SAMD4A: variants seen among roughly 807,000 people sequenced by gnomAD.
The protein encoded by SAMD4A is sterile alpha motif domain containing 4A, also known as protein Smaug homolog 1.
Under a neutral mutation model 81.3 loss-of-function variants are expected in SAMD4A, and 33 were observed. The observed-to-expected ratio is 0.41, with a 90% confidence interval of 0.31 to 0.54. The LOEUF (loss-of-function observed/expected upper bound fraction) is 0.54, where lower values mean the gene tolerates loss of function less well. Ranked by LOEUF, SAMD4A falls within the 20% of genes least tolerant of loss-of-function variation. SAMD4A has a pLI of 0.37. For missense variants in SAMD4A, 854 were observed against 951.1 expected (o/e 0.90, Z 1.34); for synonymous variants, 389 against 382.1 (o/e 1.02, Z -0.21).
intron 2 of SAMD4A, among the ~76,000 whole-genome samples, chr14:54,698,934 T>G (rs2036641611): frequency 6.6e-6 from 1 of 152,174 alleles, no homozygotes; most frequent in Non-Finnish European, 1.5e-5. Context: ...GCTGATTTTT[T>G]TTTTTTTTAG....
At chr14:54,737,542 C>T (rs200688122) in intron 4 of SAMD4A, among the ~76,000 whole-genome samples, 189 of 85,406 alleles carry the variant, frequency 2.2e-3, no homozygotes, top group African/African-American at 8.4e-3. Flanking sequence ...CTCTCTCTCT[C>T]TTTTTTTTTT....
intron 6 of SAMD4A, among the ~76,000 whole-genome samples, chr14:54,756,213 A>C (rs2038234673): frequency 6.6e-6 from 1 of 152,188 alleles, no homozygotes; most frequent in South Asian, 2.1e-4. Flanking sequence ...CCTTACAGCA[A>C]ACTTCCTAAG....
intron 4 of SAMD4A, among the ~76,000 whole-genome samples, chr14:54,748,381 T>C (rs893010950): frequency 2.0e-5 from 3 of 152,230 alleles, no homozygotes; most frequent in African/African-American, 7.2e-5. Context: ...AGCTCTAACA[T>C]TCGAAGCCAG....
chr14:54,658,926 G>A (rs968425547), intron 2 of SAMD4A, among the ~76,000 whole-genome samples: 2 of 152,216 alleles, frequency 1.3e-5, no homozygotes, highest in African/African-American at 2.4e-5. Flanking sequence ...AAGAATCAGG[G>A]CCAGGCTTGT....
intron 4 of SAMD4A, among the ~76,000 whole-genome samples, chr14:54,740,055 A>G (rs34932536): frequency 0.27 from 40,950 of 152,106 alleles, 5,976 homozygotes; most frequent in South Asian, 0.39. Flanking sequence ...CTGTAATCTC[A>G]GCTACTCTGG....
chr14:54,712,378 T>C (rs753440418), intron 3 of SAMD4A, among the ~76,000 whole-genome samples: 12 of 152,226 alleles, frequency 7.9e-5, no homozygotes, highest in Non-Finnish European at 1.3e-4. Flanking sequence ...AGGTAACTAA[T>C]GAAAGAGTTG....
intron 2 of SAMD4A, among the ~76,000 whole-genome samples, chr14:54,581,969 TTTG>T (rs1190088912): frequency 4.6e-5 from 7 of 152,384 alleles, no homozygotes; most frequent in African/African-American, 1.7e-4. Flanking sequence ...GTCATTGTTC[TTTG>T]TTGTTATTAT....
At position 54,567,604 on chromosome 14, in the gene SAMD4A, G is replaced by A; in HGVS notation, c.-313G>A. 4 of 358,772 alleles carry A rather than the reference G, an allele frequency of 1.1e-5. 1 individual carries two copies. The South Asian group carries it at 1.3e-4, about 12-fold the overall frequency. 22.2% of individuals were successfully genotyped at this position (358,772 alleles called of 1,614,324 possible). On this transcript the variant is annotated 5_prime_UTR_variant, in exon 2 of 13. Transcript: ENST00000554335. ...CCATCCCAAAGCTGCAAGAAGGGGG[G>A]AGAAAGCATTCTTCATTCAGTTGTG...
At chr14:54,736,352 C>G (rs954709506) in intron 3 of SAMD4A, among the ~76,000 whole-genome samples, 1 of 152,190 alleles carries the variant, frequency 6.6e-6, no homozygotes. Context: ...TTGGCATTAA[C>G]CTGTGAGGCT....
intron 2 of SAMD4A, among the ~76,000 whole-genome samples, chr14:54,579,018 C>T (rs1028070868): frequency 6.6e-6 from 1 of 152,174 alleles, no homozygotes; most frequent in Non-Finnish European, 1.5e-5. Flanking sequence ...GCTGTCTAAA[C>T]CTCCATATCT....
intron 2 of SAMD4A, among the ~76,000 whole-genome samples, chr14:54,616,135 A>C (rs2034485370): frequency 6.6e-6 from 1 of 152,240 alleles, no homozygotes; most frequent in South Asian, 2.1e-4. Context: ...CATCTCAAGA[A>C]TGGAAACATA....
chr14:54,602,103 C>T (rs959538940), intron 2 of SAMD4A, among the ~76,000 whole-genome samples: 18 of 152,104 alleles, frequency 1.2e-4, no homozygotes, highest in Non-Finnish European at 2.2e-4. Flanking sequence ...GACCCAGAGA[C>T]AGGCTTCTGG....
chr14:54,580,661 C>T (rs1415677077), intron 2 of SAMD4A, among the ~76,000 whole-genome samples: 1 of 152,120 alleles, frequency 6.6e-6, no homozygotes, highest in East Asian at 1.9e-4. Flanking sequence ...TTGTCTACGA[C>T]AGCTCTTCCT....
intron 2 of SAMD4A, among the ~76,000 whole-genome samples, chr14:54,667,218 A>G (rs766086020): frequency 6.6e-6 from 1 of 152,212 alleles, no homozygotes; most frequent in Non-Finnish European, 1.5e-5. Flanking sequence ...ACAGGTTTTC[A>G]AGTGCAAGAC....
chr14:54,570,256 G>A (rs908056314), intron 2 of SAMD4A, among the ~76,000 whole-genome samples: 14 of 152,158 alleles, frequency 9.2e-5, no homozygotes, highest in Non-Finnish European at 1.8e-4. Flanking sequence ...GGATCATAAA[G>A]AGCATCAGGA....
At chr14:54,638,488 TAAAC>T (rs746814709) in intron 2 of SAMD4A, among the ~76,000 whole-genome samples, 3 of 152,204 alleles carry the variant, frequency 2.0e-5, no homozygotes, top group South Asian at 2.1e-4. Context: ...ATTGTCATCT[TAAAC>T]AAAATAAACA....
At position 54,629,133 on chromosome 14, in the gene SAMD4A, G is replaced by A. The variant is rs145022295; in HGVS notation, c.196+61021G>A. Among the ~76,000 whole-genome samples the A allele has an allele frequency of 3.3e-3, 504 of 152,266 alleles. 5 individuals are homozygous for A. The highest frequency in any genetic ancestry group is 0.011 in the African/African-American group (477 of 41,554). On this transcript the variant is annotated intron_variant, in intron 2 of 12. Transcript: ENST00000554335. Reference sequence around the variant, plus strand: ...AAGCCGACAATGCCATATGAAGAGAGACACACAGGAAGAGCACCAGGTATT... The same window carrying A: ...AAGCCGACAATGCCATATGAAGAGAAACACACAGGAAGAGCACCAGGTATT...
chr14:54,628,069 G>A (rs881970), intron 2 of SAMD4A, among the ~76,000 whole-genome samples: 6,489 of 151,896 alleles, frequency 0.043, 198 homozygotes, highest in Non-Finnish European at 0.068. Flanking sequence ...GGTGGTCTCG[G>A]GCCTTGAAAT....
chr14:54,673,211 G>A (rs911617), intron 2 of SAMD4A, among the ~76,000 whole-genome samples: 35,599 of 152,132 alleles, frequency 0.23, 5,024 homozygotes, highest in Admixed American at 0.34. Context: ...CCCCACAGCT[G>A]TCTGACAGCC....
Sources: gnomAD v4.1 joint callset for allele counts (sites outside exome capture counted in the v4.1 genomes callset) on GRCh38, gnomAD v4.1.1 for gene constraint, MANE v1.5 for transcripts, NCBI Gene and HGNC (gene_info 2026-07-23, HGNC 2026-07-21) for gene names.